The following LPCAT1 variants were observed in gnomAD, a reference collection of about 807,000 sequenced individuals.
The protein encoded by LPCAT1 is lysophosphatidylcholine acyltransferase 1, also known as 1-acylglycerol-3-phosphate O-acyltransferase.
Under a neutral mutation model 60.9 loss-of-function variants are expected in LPCAT1, and 23 were observed. The observed-to-expected ratio is 0.38, with a 90% confidence interval of 0.27 to 0.53. The LOEUF (loss-of-function observed/expected upper bound fraction) is 0.53. Ranked by LOEUF, LPCAT1 falls within the 20% of genes least tolerant of loss-of-function variation. LPCAT1 has a pLI of 0.82. For synonymous variants in LPCAT1, 340 were observed against 301.1 expected (o/e 1.13, Z -1.34); for missense variants, 622 against 723.6 (o/e 0.86, Z 1.61).
rs11746718 is a variant in LPCAT1, at chr5:1,502,087, A to G, written c.136-484T>C. Among the ~76,000 whole-genome samples, 63,555 of 152,142 alleles carry G rather than the reference A, an allele frequency of 0.42. 15,941 individuals carry two copies. The highest frequency in any genetic ancestry group is 0.71 in the African/African-American group (29,432 of 41,504). On this transcript the variant is annotated intron_variant, in intron 1 of 13. Transcript: ENST00000283415. This position sits in a 1 kb window ranked among gnomAD's most constrained non-coding sequence, Gnocchi z 5.5. The stretch of plus-strand genomic sequence containing the variant: ...ATGGCTGTGGACACTGGCCAGTGCT[A>G]ACTGACATGCTCCACACCCACTGCC...
chr5:1,490,538 C>A (rs531839713), intron 3 of LPCAT1, among the ~76,000 whole-genome samples: 1 of 152,348 alleles, frequency 6.6e-6, no homozygotes, highest in African/African-American at 2.4e-5. Context: ...GAGCCCAATG[C>A]GGCCAGCACT....
intron 1 of LPCAT1, among the ~76,000 whole-genome samples, chr5:1,512,387 C>T (rs1394746199): frequency 6.6e-6 from 1 of 152,222 alleles, no homozygotes; most frequent in African/African-American, 2.4e-5. Flanking sequence ...AGCAGTCCCA[C>T]ACTAGAGCCT....
Position 1,463,884 on chromosome 5 carries a change from T to C in LPCAT1, c.1421-49A>G, listed in dbSNP as rs1734214515. The C allele has an allele frequency of 2.5e-6, 4 of 1,592,026 alleles. No individual in the cohort carries two copies. The East Asian group carries it at 6.7e-5, about 27-fold the overall frequency. On this transcript the variant is annotated intron_variant, in intron 13 of 13. Coordinates refer to ENST00000283415, the MANE Select transcript of LPCAT1 (RefSeq NM_024830.5). The stretch of plus-strand genomic sequence containing the variant: ...GTTATGGAATGGGGACGAGCAAATG[T>C]CTAGGATTTGGAGGCTCTTTTCCCA...
chr5:1,489,685 C>T (rs889977940), intron 4 of LPCAT1, 61 bp downstream of exon 4: 7 of 1,244,078 alleles, frequency 5.6e-6, no homozygotes, highest in East Asian at 4.6e-5. Flanking sequence ...TCTCCCCACT[C>T]GCGAAGTTCG....
intron 11 of LPCAT1, among the ~76,000 whole-genome samples, chr5:1,472,472 C>T (rs1734722815): frequency 6.6e-6 from 1 of 151,956 alleles, no homozygotes; most frequent in Admixed American, 6.5e-5. Context: ...GACTACAAGT[C>T]CCTGGCTCTG....
At position 1,480,348 on chromosome 5, in the gene LPCAT1, T is replaced by C; in HGVS notation, c.761+594A>G. 2 of 985,118 alleles carry C rather than the reference T, an allele frequency of 2.0e-6. No homozygotes were observed. Among genetic ancestry groups the C allele is most frequent in the Non-Finnish European group, 2.4e-6 (2 of 829,862 alleles). 61.0% of individuals were successfully genotyped at this position (985,118 alleles called of 1,614,324 possible). On this transcript the variant is annotated intron_variant, in intron 7 of 13. Coordinates refer to ENST00000283415, the MANE Select transcript of LPCAT1 (RefSeq NM_024830.5). This position sits in a 1 kb window ranked among gnomAD's most constrained non-coding sequence, Gnocchi z 6.4. ...GCGGACCCACATCCTCCCAAACGCC[T>C]GGAATGGAGCTGCTCTCTCTTGGAC... is the stretch of plus-strand genomic sequence containing the variant.
chr5:1,512,482 C>G (rs1736387158), intron 1 of LPCAT1, among the ~76,000 whole-genome samples: 1 of 152,236 alleles, frequency 6.6e-6, no homozygotes. Flanking sequence ...GGGCAAGCAC[C>G]CTGCAGTCAC....
At chr5:1,510,505 T>C (rs558181345) in intron 1 of LPCAT1, among the ~76,000 whole-genome samples, 3 of 152,320 alleles carry the variant, frequency 2.0e-5, no homozygotes, top group East Asian at 3.9e-4. Flanking sequence ...GTGATTCTCC[T>C]AGACCACTCC....
At chr5:1,473,659 T>G (rs550932268) in intron 11 of LPCAT1, among the ~76,000 whole-genome samples, 4 of 152,332 alleles carry the variant, frequency 2.6e-5, no homozygotes, top group Admixed American at 6.5e-5. Flanking sequence ...GGGGGTCCCT[T>G]GGAGACCCCA....
chr5:1,520,498 G>A (rs1196835901), intron 1 of LPCAT1, among the ~76,000 whole-genome samples: 7 of 152,188 alleles, frequency 4.6e-5, no homozygotes. Context: ...AAGGTGCACA[G>A]GAAGGCATTA....
chr5:1,468,195 G>A (rs1188856101), intron 12 of LPCAT1, among the ~76,000 whole-genome samples: 1 of 152,152 alleles, frequency 6.6e-6, no homozygotes, highest in African/African-American at 2.4e-5. Flanking sequence ...AGGCTCTGGA[G>A]ACCCCATCCT....
Position 1,466,850 on chromosome 5 carries a change from T to A in LPCAT1, c.1319A>T (p.Asp440Val). ...GGCCGTCTTGAGGATGCAGGACAGG[T>A]CACCTTCGCCGACGCTGCCGTCCTC... ...AQEDGSVGEG[D>V]LSCILKTALG... Residue 440 changes from aspartate (D) to valine (V), a missense_variant, in exon 13 of 14, where the codon GAC (aspartate) becomes GTC (valine). Coordinates refer to ENST00000283415, the MANE Select transcript of LPCAT1 (RefSeq NM_024830.5). The A allele has an allele frequency of 6.2e-7, 1 of 1,610,026 alleles. No homozygotes were observed. The highest frequency in any genetic ancestry group is 1.3e-5 in the African/African-American group (1 of 74,896).
In LPCAT1 at chr5:1,476,997, T is replaced by TC. The variant is rs1451623612; in HGVS notation, c.899+406dup. 6.6e-6 allele frequency among the ~76,000 whole-genome samples: 1 copy of TC among 152,186 alleles called. No individual in the cohort carries two copies. The highest frequency in any genetic ancestry group is 2.4e-5 in the African/African-American group (1 of 41,434). Reference sequence around the variant, plus strand: ...ACAAGATTAAATGTGCAACCACCACTCCACTCTGCCAGATAGAGTAAGGGC... The same window carrying TC: ...ACAAGATTAAATGTGCAACCACCACTCCCACTCTGCCAGATAGAGTAAGGGC... On this transcript the variant is annotated intron_variant, in intron 9 of 13. Transcript: ENST00000283415. This position sits in a 1 kb window ranked among gnomAD's most constrained non-coding sequence, Gnocchi z 8.6.
intron 4 of LPCAT1, 123 bp downstream of exon 4, chr5:1,489,623 A>T: frequency 1.2e-6 from 1 of 804,616 alleles, no homozygotes; most frequent in Non-Finnish European, 2.2e-6. Flanking sequence ...TCACGCACTC[A>T]CTAGGAGAAG....
intron 1 of LPCAT1, among the ~76,000 whole-genome samples, chr5:1,519,469 C>T (rs143324894): frequency 5.6e-4 from 85 of 152,350 alleles, no homozygotes; most frequent in Non-Finnish European, 1.1e-3. Flanking sequence ...CTAAGTTTCA[C>T]GAGTGCGTCA....
intron 1 of LPCAT1, among the ~76,000 whole-genome samples, chr5:1,504,877 G>A (rs879619083): frequency 3.9e-5 from 6 of 152,362 alleles, no homozygotes; most frequent in South Asian, 2.1e-4. Flanking sequence ...CTGGGGCCAC[G>A]GCAGCCTCTG....
intron 8 of LPCAT1, among the ~76,000 whole-genome samples, chr5:1,479,056 T>A (rs1735028939): frequency 1.3e-5 from 2 of 152,264 alleles, no homozygotes; most frequent in Admixed American, 1.3e-4. Flanking sequence ...GCCAGCTTCA[T>A]ATGTCCTTAA....
chr5:1,508,771 G>A (rs983695967), intron 1 of LPCAT1, among the ~76,000 whole-genome samples: 13 of 152,224 alleles, frequency 8.5e-5, no homozygotes, highest in African/African-American at 2.9e-4. Context: ...GGAACTCTCT[G>A]GAAGTCTCTG....
intron 13 of LPCAT1, among the ~76,000 whole-genome samples, chr5:1,464,837 C>T (rs1464398303): frequency 6.7e-6 from 1 of 148,986 alleles, no homozygotes; most frequent in African/African-American, 2.5e-5. Context: ...CATGCACGTA[C>T]ACACAAGTGT....
Sources: allele counts gnomAD v4.1 joint callset (sites outside exome capture counted in the v4.1 genomes callset), GRCh38; gene constraint gnomAD v4.1.1; non-coding constraint Gnocchi (gnomAD v3.1); transcripts MANE v1.5; gene names NCBI Gene and HGNC (gene_info 2026-07-23, HGNC 2026-07-21).